AGPAT3: variants seen among roughly 807,000 people sequenced by gnomAD.
AGPAT3 encodes the protein 1-acyl-sn-glycerol-3-phosphate acyltransferase gamma.
In AGPAT3, 5 loss-of-function variants were observed where a neutral mutation model predicts 47.3. That is an observed-to-expected ratio of 0.11 (90% CI 0.06 to 0.22). The LOEUF is 0.22. AGPAT3 is among the 10% of genes least tolerant of loss of function. The pLI is 1.00. For missense variants in AGPAT3, 315 were observed against 493.0 expected, an observed-to-expected ratio of 0.64 and a Z score of 3.42; for synonymous variants, 212 against 208.3, an observed-to-expected ratio of 1.02 and a Z score of -0.15.
chr21:43,909,715 C>T (rs1470791075), intron 2 of AGPAT3, among the ~76,000 whole-genome samples: 1 of 152,224 alleles, frequency 6.6e-6, no homozygotes, highest in African/African-American at 2.4e-5. Context: ...CCTTGCTCTG[C>T]CCTCGTTGCA....
In AGPAT3 at chr21:43,932,690, G is replaced by A. The variant is rs933955296; in HGVS notation, c.-48-26944G>A. 5.9e-5 allele frequency among the ~76,000 whole-genome samples: 9 copies of A among 152,222 alleles called. No individual in the cohort carries two copies. The highest frequency in any genetic ancestry group is 7.3e-5 in the Non-Finnish European group (5 of 68,042). On this transcript the variant is annotated intron_variant, in intron 2 of 9. Coordinates refer to ENST00000291572, the MANE Select transcript of AGPAT3 (RefSeq NM_020132.5). The surrounding 1 kb of genome is among the most constrained non-coding windows in gnomAD (Gnocchi z 5.2). ...TCTTGAGACGGAGTCTTGCTCTGTC[G>A]CCCAGGCTGGAGTGCGATGGCACGG...
chr21:43,924,676 C>T (rs1322694820), intron 2 of AGPAT3, among the ~76,000 whole-genome samples: 5 of 152,234 alleles, frequency 3.3e-5, no homozygotes, highest in Non-Finnish European at 7.3e-5. Context: ...TCGCTGGTCT[C>T]GAGATGGCTG....
rs541300979 is a variant in AGPAT3 at position 43,983,592 on chromosome 21, G to A, written c.*1200G>A. ...GCAGAGCAGAGGGCAGCGCTCGGCCGGTCATGCTGGCTCCCTTGGCCTTGC... is the reference window on the plus strand; with the variant it reads ...GCAGAGCAGAGGGCAGCGCTCGGCCAGTCATGCTGGCTCCCTTGGCCTTGC... On this transcript the variant is annotated 3_prime_UTR_variant, in exon 10 of 10. Transcript: ENST00000291572. The A allele has an allele frequency of 3.3e-5, 5 of 152,372 alleles. No individual in the cohort carries two copies. Among genetic ancestry groups the A allele is most frequent in the South Asian group, 4.1e-4 (2 of 4,824 alleles). The allele number at this position is 152,372 out of a possible 1,614,324, so 9.4% of individuals were successfully genotyped here.
chr21:43,908,890 C>T lies in AGPAT3; in HGVS notation c.-49+4871C>T, dbSNP rs1014319630. 4.6e-5 allele frequency among the ~76,000 whole-genome samples: 7 copies of T among 152,170 alleles called. No individual in the cohort carries two copies. The highest frequency in any genetic ancestry group is 1.7e-4 in the African/African-American group (7 of 41,426). On this transcript the variant is annotated intron_variant, in intron 2 of 9. Coordinates refer to ENST00000291572, the MANE Select transcript of AGPAT3 (RefSeq NM_020132.5). This position sits in a 1 kb window ranked among gnomAD's most constrained non-coding sequence, Gnocchi z 4.9. ...AGGGTACAGGCTCAGGCTCAGCTCA[C>T]ACGGTCCCCGGATGCCCCTGCTGTG...
intron 7 of AGPAT3, among the ~76,000 whole-genome samples, chr21:43,977,342 T>C (rs572146396): frequency 7.2e-5 from 11 of 152,180 alleles, no homozygotes; most frequent in Non-Finnish European, 1.2e-4. Flanking sequence ...GTCATGACTG[T>C]CTCTGAAGAA....
Position 43,981,219 on chromosome 21 carries a change from C to A in AGPAT3, c.1042+32C>A. The A allele has an allele frequency of 1.9e-6, 3 of 1,607,874 alleles. No homozygotes were observed. On this transcript the variant is annotated intron_variant, in intron 9 of 9. Coordinates refer to ENST00000291572, the MANE Select transcript of AGPAT3 (RefSeq NM_020132.5). The surrounding 1 kb of genome is among the most constrained non-coding windows in gnomAD (Gnocchi z 5.3). ...GACACTGTCGCTAACAGCTCACACT[C>A]TGACGGGCCTCACAGTATCAGCCAC... is the stretch of plus-strand genomic sequence containing the variant.
At position 43,955,167 on chromosome 21, in the gene AGPAT3, G is replaced by T. The variant is rs1158722238; in HGVS notation, c.-48-4467G>T. 2.4e-6 allele frequency: 3 copies of T among 1,275,524 alleles called. No individual in the cohort carries two copies. 79.0% of individuals were successfully genotyped at this position (1,275,524 alleles called of 1,614,324 possible). ...GATGCGCCCTGGGTGCTGTCCCGGG[G>T]CCGTCTCAGAAGCACCGCGCTGGAC... On this transcript the variant is annotated intron_variant, in intron 2 of 9. Transcript: ENST00000291572. This position sits in a 1 kb window ranked among gnomAD's most constrained non-coding sequence, Gnocchi z 4.1.
In AGPAT3 at chr21:43,939,687, C is replaced by G. The variant is rs146766218; in HGVS notation, c.-48-19947C>G. Among the ~76,000 whole-genome samples, 3 of 152,312 alleles carry G rather than the reference C, an allele frequency of 2.0e-5. No homozygotes were observed. In the East Asian group the frequency reaches 5.8e-4, roughly 29 times the overall value. On this transcript the variant is annotated intron_variant, in intron 2 of 9. Coordinates refer to ENST00000291572, the MANE Select transcript of AGPAT3 (RefSeq NM_020132.5). The surrounding 1 kb of genome is among the most constrained non-coding windows in gnomAD (Gnocchi z 4.4). ...GTTTGCCTATCACTTGGAGGCCTTTCAGGGATCTTGCTAGCCCACGGCTGA... is the reference window on the plus strand; with the variant it reads ...GTTTGCCTATCACTTGGAGGCCTTTGAGGGATCTTGCTAGCCCACGGCTGA...
At chr21:43,915,681 G>A (rs1386098127) in intron 2 of AGPAT3, among the ~76,000 whole-genome samples, 2 of 151,804 alleles carry the variant, frequency 1.3e-5, no homozygotes, top group African/African-American at 4.8e-5. Context: ...CAGAGTGCTG[G>A]GATTACAGGC....
Position 43,880,647 on chromosome 21 carries a change from T to C in AGPAT3, c.-112+15302T>C, listed in dbSNP as rs1483240556. Reference sequence around the variant, plus strand: ...TGCAAATCAACTTCAAAATTTGCAGTCACATTTATGGTAGGACAGATTCAT... The same window carrying C: ...TGCAAATCAACTTCAAAATTTGCAGCCACATTTATGGTAGGACAGATTCAT... On this transcript the variant is annotated intron_variant, in intron 1 of 9. Coordinates refer to ENST00000291572, the MANE Select transcript of AGPAT3 (RefSeq NM_020132.5). The surrounding 1 kb of genome is among the most constrained non-coding windows in gnomAD (Gnocchi z 4.5). Among the ~76,000 whole-genome samples the C allele has an allele frequency of 6.6e-6, 1 of 152,216 alleles. No individual in the cohort carries two copies. Among genetic ancestry groups the C allele is most frequent in the Non-Finnish European group, 1.5e-5 (1 of 68,040 alleles).
chr21:43,870,614 C>T (rs540066896), intron 1 of AGPAT3, among the ~76,000 whole-genome samples: 112 of 151,904 alleles, frequency 7.4e-4, no homozygotes, highest in Middle Eastern at 3.4e-3. Context: ...CCCAGCTACT[C>T]GGGACACTGA....
intron 2 of AGPAT3, among the ~76,000 whole-genome samples, chr21:43,941,831 A>C (rs1344230538): frequency 6.6e-6 from 1 of 152,246 alleles, no homozygotes; most frequent in Non-Finnish European, 1.5e-5. Context: ...TTCGTGGCTG[A>C]GCTATGCAGT....
At chr21:43,901,087 A>C (rs975142974) in intron 1 of AGPAT3, among the ~76,000 whole-genome samples, 5 of 152,186 alleles carry the variant, frequency 3.3e-5, no homozygotes, top group Admixed American at 3.3e-4. Context: ...GGATCACTTG[A>C]GCCCAGGAGT....
intron 2 of AGPAT3, among the ~76,000 whole-genome samples, chr21:43,942,708 C>T (rs2087702170): frequency 1.3e-5 from 2 of 152,218 alleles, no homozygotes; most frequent in African/African-American, 4.8e-5. Context: ...GCCCTGCAGC[C>T]ACGCCTGCCC....
Position 43,987,521 on chromosome 21 carries a change from G to A in AGPAT3, c.*5129G>A, listed in dbSNP as rs900508036. Among the ~76,000 whole-genome samples, 1 of 152,202 alleles carries A rather than the reference G, an allele frequency of 6.6e-6. No homozygotes were observed. Among genetic ancestry groups the A allele is most frequent in the African/African-American group, 2.4e-5 (1 of 41,456 alleles). On this transcript the variant is annotated 3_prime_UTR_variant, in exon 10 of 10. Coordinates refer to ENST00000291572, the MANE Select transcript of AGPAT3 (RefSeq NM_020132.5). ...TCTTTTTTTGTAAAAACATTCATCT[G>A]TGGAGAAAACCAAGGAACCCCTTTC...
At chr21:43,902,356 G>A (rs1488263666) in intron 1 of AGPAT3, among the ~76,000 whole-genome samples, 1 of 152,242 alleles carries the variant, frequency 6.6e-6, no homozygotes, top group Non-Finnish European at 1.5e-5. Context: ...ACCTAAATGT[G>A]AAAGTTAGAA....
chr21:43,870,597 C>A (rs2085604682), intron 1 of AGPAT3, among the ~76,000 whole-genome samples: 1 of 151,794 alleles, frequency 6.6e-6, no homozygotes, highest in African/African-American at 2.4e-5. Context: ...GTGGCGCATG[C>A]ATAGGTCCCA....
In AGPAT3 at chr21:43,932,180, G is replaced by T. The variant is rs1443847065; in HGVS notation, c.-48-27454G>T. ...CATGATACGTTATTGTTAACTGGTC[G>T]CCACGCAGCGCGGCCGATCACGAAC... On this transcript the variant is annotated intron_variant, in intron 2 of 9. Transcript: ENST00000291572. The surrounding 1 kb of genome is among the most constrained non-coding windows in gnomAD (Gnocchi z 5.2). Among the ~76,000 whole-genome samples, 2 of 152,048 alleles carry T rather than the reference G, an allele frequency of 1.3e-5. No homozygotes were observed. Among genetic ancestry groups the T allele is most frequent in the Non-Finnish European group, 2.9e-5 (2 of 68,010 alleles).
chr21:43,930,815 C>A lies in AGPAT3; in HGVS notation c.-49+26796C>A, dbSNP rs2087216136. Among the ~76,000 whole-genome samples, 1 of 152,178 alleles carries A rather than the reference C, an allele frequency of 6.6e-6. No individual in the cohort carries two copies. Among genetic ancestry groups the A allele is most frequent in the Non-Finnish European group, 1.5e-5 (1 of 68,016 alleles). ...GGTGGCCGGGGTGGCCCACGGCAGG[C>A]CAGTGTGCGGTCCTCAAGCTGCTGG... On this transcript the variant is annotated intron_variant, in intron 2 of 9. Transcript: ENST00000291572. This position sits in a 1 kb window ranked among gnomAD's most constrained non-coding sequence, Gnocchi z 5.0.
Sources: allele counts gnomAD v4.1 joint callset (sites outside exome capture counted in the v4.1 genomes callset), GRCh38; gene constraint gnomAD v4.1.1; non-coding constraint Gnocchi (gnomAD v3.1); transcripts MANE v1.5; gene names NCBI Gene and HGNC (gene_info 2026-07-23, HGNC 2026-07-21).